The following ARHGAP6 variants were observed in gnomAD, a reference collection of about 807,000 sequenced individuals.
ARHGAP6 encodes Rho GTPase activating protein 6.
Under a neutral mutation model 55.7 loss-of-function variants are expected in ARHGAP6, and 16 were observed. That is an observed-to-expected ratio of 0.29 (90% CI 0.19 to 0.44). ARHGAP6 has a LOEUF of 0.44. Ranked by LOEUF, ARHGAP6 falls within the 20% of genes least tolerant of loss-of-function variation. The pLI is 1.00. For synonymous variants in ARHGAP6, 382 were observed against 360.9 expected, an observed-to-expected ratio of 1.06 and a Z score of -0.66; for missense variants, 698 against 808.9, an observed-to-expected ratio of 0.86 and a Z score of 1.66.
chrX:11,220,712 A>G (rs1397539530), intron 2 of ARHGAP6, among the ~76,000 whole-genome samples: 1 of 110,608 alleles, frequency 9.0e-6, no homozygotes, highest in Non-Finnish European at 1.9e-5. Context: ...GACTAGGAAG[A>G]AACTGCATCG....
chrX:11,359,248 C>G (rs780848146), intron 1 of ARHGAP6, among the ~76,000 whole-genome samples: 17 of 111,910 alleles, frequency 1.5e-4, no homozygotes, highest in Non-Finnish European at 3.0e-4. Flanking sequence ...CCAAACCCAT[C>G]TTATATGAGA....
At position 11,660,556 on chromosome X, in the gene ARHGAP6, A is replaced by C. The variant is rs1033525264; in HGVS notation, c.588+3685T>G. 4.6e-4 allele frequency among the ~76,000 whole-genome samples: 42 copies of C among 91,007 alleles called. 2 individuals carry two copies. The highest frequency in any genetic ancestry group is 1.3e-3 in the African/African-American group (31 of 24,772). 79.0% of individuals were successfully genotyped at this position (91,007 alleles called of 115,157 possible). Reference sequence around the variant, plus strand: ...AAAAAAAAAAAAAAAAAAAAAAAAAAAAAAAAAAAAAAAAAAAAAAAACCC... The same window carrying C: ...AAAAAAAAAAAAAAAAAAAAAAAAACAAAAAAAAAAAAAAAAAAAAAACCC... On this transcript the variant is annotated intron_variant, in intron 1 of 12. Coordinates refer to ENST00000337414, the MANE Select transcript of ARHGAP6 (RefSeq NM_013427.3).
chrX:11,430,989 T>C (rs756300016), intron 1 of ARHGAP6, among the ~76,000 whole-genome samples: 2 of 112,085 alleles, frequency 1.8e-5, no homozygotes, highest in Non-Finnish European at 3.8e-5. Flanking sequence ...AACTAAACTG[T>C]ATATTGACAT....
At chrX:11,528,980 T>G (rs1351419970) in intron 1 of ARHGAP6, among the ~76,000 whole-genome samples, 1 of 112,010 alleles carries the variant, frequency 8.9e-6, no homozygotes. Flanking sequence ...TGGTTGTCAT[T>G]CTAGACTTTC....
chrX:11,299,079 G>C, intron 1 of ARHGAP6: 1 of 946,004 alleles, frequency 1.1e-6, no homozygotes, highest in Non-Finnish European at 1.5e-6. Flanking sequence ...TAGAGTTGTA[G>C]TAGTTACAGG....
chrX:11,444,655 A>T (rs1410891331), intron 1 of ARHGAP6, among the ~76,000 whole-genome samples: 1 of 112,103 alleles, frequency 8.9e-6, no homozygotes, highest in Non-Finnish European at 1.9e-5. Context: ...GTCCCACATG[A>T]TTATCTTACC....
chrX:11,138,447 ATTTT>A lies in ARHGAP6; in HGVS notation c.*412_*415del, dbSNP rs752942478. 7.5e-6 allele frequency: 1 copy of A among 133,219 alleles called. No individual in the cohort carries two copies. The highest frequency in any genetic ancestry group is 3.3e-5 in the African/African-American group (1 of 30,622). 11.0% of individuals were successfully genotyped at this position (133,219 alleles called of 1,213,427 possible). The stretch of plus-strand genomic sequence containing the variant: ...CTCATTGCTTAATATAAGTGAAGTG[ATTTT>A]TTTTTTAAAAGTTCCTTTTGTTTTC... On this transcript the variant is annotated 3_prime_UTR_variant, in exon 13 of 13. Transcript: ENST00000337414.
chrX:11,150,391 G>T lies in ARHGAP6; in HGVS notation c.1907+6138C>A, dbSNP rs184973797. The stretch of plus-strand genomic sequence containing the variant: ...GGGGCCCGAGATGCCTCAGGCAAAA[G>T]AAAACTGTGTACCTCTATATACATG... On this transcript the variant is annotated intron_variant, in intron 10 of 12. Transcript: ENST00000337414. 2.7e-3 allele frequency among the ~76,000 whole-genome samples: 301 copies of T among 110,028 alleles called. 2 individuals are homozygous for T. The highest frequency in any genetic ancestry group is 9.6e-3 in the African/African-American group (288 of 30,100).
chrX:11,167,675 T>A (rs2046034742), intron 9 of ARHGAP6, among the ~76,000 whole-genome samples: 1 of 112,005 alleles, frequency 8.9e-6, no homozygotes, highest in South Asian at 3.7e-4. Context: ...TGGTTTCATA[T>A]AAAGGAGAAC....
intron 1 of ARHGAP6, among the ~76,000 whole-genome samples, chrX:11,647,554 C>T (rs1346037171): frequency 8.9e-6 from 1 of 111,816 alleles, no homozygotes; most frequent in African/African-American, 3.3e-5. Flanking sequence ...AGCTGAAGGG[C>T]CAATGAAGTC....
At chrX:11,572,727 TG>T (rs2051540382) in intron 1 of ARHGAP6, among the ~76,000 whole-genome samples, 1 of 111,955 alleles carries the variant, frequency 8.9e-6, no homozygotes, top group African/African-American at 3.3e-5. Context: ...CTGGGTCAAA[TG>T]GTATTTCTAG....
At chrX:11,312,411 G>C (rs1248316284) in intron 1 of ARHGAP6, among the ~76,000 whole-genome samples, 1 of 111,781 alleles carries the variant, frequency 8.9e-6, no homozygotes, top group Non-Finnish European at 1.9e-5. Context: ...AAACATGGTG[G>C]TAAATCCCAT....
At chrX:11,529,881 C>T (rs1471276606) in intron 1 of ARHGAP6, among the ~76,000 whole-genome samples, 1 of 111,653 alleles carries the variant, frequency 9.0e-6, no homozygotes, top group Non-Finnish European at 1.9e-5. Flanking sequence ...TCAGGAAATA[C>T]AACTTATTTC....
intron 1 of ARHGAP6, among the ~76,000 whole-genome samples, chrX:11,618,756 C>T (rs2052196238): frequency 8.9e-6 from 1 of 112,482 alleles, no homozygotes; most frequent in Admixed American, 9.4e-5. Flanking sequence ...CATTACCCAA[C>T]CCATGCTGTT....
chrX:11,394,644 A>G (rs1028466396), intron 1 of ARHGAP6, among the ~76,000 whole-genome samples: 2 of 112,099 alleles, frequency 1.8e-5, no homozygotes, highest in Admixed American at 1.9e-4. Flanking sequence ...GAGTAACATT[A>G]TAATGTATCA....
chrX:11,471,595 A>C (rs2050347320), intron 1 of ARHGAP6, among the ~76,000 whole-genome samples: 1 of 112,677 alleles, frequency 8.9e-6, no homozygotes, highest in Non-Finnish European at 1.9e-5. Flanking sequence ...ATACTAAAGA[A>C]GACTGAAGTA....
At chrX:11,444,760 G>A (rs951146494) in intron 1 of ARHGAP6, among the ~76,000 whole-genome samples, 22 of 103,938 alleles carry the variant, frequency 2.1e-4, no homozygotes, top group African/African-American at 7.6e-4. Context: ...GGAGACTTTT[G>A]CATACTTATT....
At chrX:11,623,621 C>A (rs1176062806) in intron 1 of ARHGAP6, among the ~76,000 whole-genome samples, 1 of 104,913 alleles carries the variant, frequency 9.5e-6, no homozygotes, top group African/African-American at 3.5e-5. Flanking sequence ...GGCGTGAACC[C>A]GGGAGGCGGA....
chrX:11,338,918 T>C (rs1324943247), intron 1 of ARHGAP6, among the ~76,000 whole-genome samples: 2 of 112,031 alleles, frequency 1.8e-5, no homozygotes, highest in Non-Finnish European at 3.8e-5. Flanking sequence ...ACTAGCCACT[T>C]GCTCTAGGTT....
Sources: gnomAD v4.1 joint callset for allele counts (sites outside exome capture counted in the v4.1 genomes callset) on GRCh38, gnomAD v4.1.1 for gene constraint, MANE v1.5 for transcripts, NCBI Gene and HGNC (gene_info 2026-07-23, HGNC 2026-07-21) for gene names.